The following BTAF1 variants were observed in gnomAD, a reference collection of about 807,000 sequenced individuals.
BTAF1 encodes TATA-binding protein-associated factor 172.
A neutral mutation model predicts 227.1 loss-of-function variants in BTAF1; 38 were observed. The observed-to-expected ratio is 0.17, with a 90% CI of 0.13 to 0.22. The LOEUF (loss-of-function observed/expected upper bound fraction) is 0.22. Among genes scored for constraint, BTAF1 ranks in the 10% least tolerant of loss-of-function variants. The pLI is 1.00. For synonymous variants in BTAF1, 742 were observed against 751.9 expected, an observed-to-expected ratio of 0.99 and a Z score of 0.21; for missense variants, 1,598 against 2,204.0, an observed-to-expected ratio of 0.73 and a Z score of 5.51.
At chr10:92,019,303 T>C (rs1390135034) in intron 34 of BTAF1, among the ~76,000 whole-genome samples, 1 of 152,258 alleles carries the variant, frequency 6.6e-6, no homozygotes, top group Non-Finnish European at 1.5e-5. Flanking sequence ...TGAATTTGCC[T>C]GTTCTAAATA....
intron 25 of BTAF1, among the ~76,000 whole-genome samples, chr10:92,002,572 G>A (rs575207722): frequency 5.9e-5 from 9 of 152,202 alleles, no homozygotes; most frequent in Non-Finnish European, 7.4e-5. Context: ...TTTGTAAAGC[G>A]TTGTGCAGAA....
chr10:92,025,828 A>AAT (rs986220410), intron 35 of BTAF1, among the ~76,000 whole-genome samples: 2 of 151,352 alleles, frequency 1.3e-5, no homozygotes, highest in African/African-American at 4.9e-5. Context: ...AAAAAAAAAA[A>AAT]AAAACAAGCA....
At chr10:91,980,603 TA>T in intron 15 of BTAF1, 45 bp downstream of exon 15, 1 of 1,501,538 alleles carries the variant, frequency 6.7e-7, no homozygotes, top group Non-Finnish European at 9.2e-7. Context: ...GTAACTTTTG[TA>T]GATTTTTAAA....
intron 15 of BTAF1, among the ~76,000 whole-genome samples, chr10:91,980,793 T>C (rs536307235): frequency 1.1e-3 from 160 of 152,294 alleles, no homozygotes; most frequent in Non-Finnish European, 2.0e-3. Context: ...TTAAGCACTT[T>C]CTGATAGCCT....
rs755074613 is a variant in BTAF1, at chr10:91,981,803, A to C, written c.1905+11A>C. On this transcript the variant is annotated intron_variant, in intron 16 of 37. Coordinates refer to ENST00000265990, the MANE Select transcript of BTAF1 (RefSeq NM_003972.3). ...AAAGCTAGAGCCAAGGTAAGTGTAG[A>C]GGGACATAGTGTATTTGTGTGTTCA... 3.1e-6 allele frequency: 5 copies of C among 1,608,886 alleles called. No homozygotes were observed. The South Asian group carries it at 5.5e-5, about 18-fold the overall frequency.
At chr10:92,014,728 T>C (rs150915793) in intron 32 of BTAF1, among the ~76,000 whole-genome samples, 1 of 152,342 alleles carries the variant, frequency 6.6e-6, no homozygotes, top group Middle Eastern at 3.4e-3. Flanking sequence ...GCTATGGTCA[T>C]AGAGCTAATA....
At chr10:92,011,499 C>T (rs1277891510) in intron 30 of BTAF1, 84 bp downstream of exon 30, 27 of 592,340 alleles carry the variant, frequency 4.6e-5, no homozygotes, top group Admixed American at 2.8e-4. Flanking sequence ...TGGTATTTGG[C>T]GGTGAATTAA....
chr10:92,023,071 C>CT (rs1260199407), intron 34 of BTAF1, among the ~76,000 whole-genome samples: 1 of 152,156 alleles, frequency 6.6e-6, no homozygotes, highest in Non-Finnish European at 1.5e-5. Context: ...CATATACTCC[C>CT]TTTGCCTAGC....
intron 19 of BTAF1, among the ~76,000 whole-genome samples, chr10:91,985,674 G>A (rs1258447755): frequency 6.6e-6 from 1 of 152,078 alleles, no homozygotes; most frequent in Non-Finnish European, 1.5e-5. Flanking sequence ...GTGATTGTCT[G>A]ATAGTGTTAT....
intron 34 of BTAF1, among the ~76,000 whole-genome samples, chr10:92,022,780 AC>A (rs1851232992): frequency 6.6e-6 from 1 of 152,176 alleles, no homozygotes; most frequent in Admixed American, 6.5e-5. Flanking sequence ...CTTAGATAGG[AC>A]TTTTTAAAAG....
At chr10:91,990,703 G>T (rs1273349135) in intron 20 of BTAF1, among the ~76,000 whole-genome samples, 6 of 152,154 alleles carry the variant, frequency 3.9e-5, no homozygotes, top group Non-Finnish European at 7.3e-5. Flanking sequence ...TGAGGCAAGA[G>T]AATGGCCTCA....
At chr10:91,953,946 A>C in intron 6 of BTAF1, 73 bp downstream of exon 6, 1 of 1,554,044 alleles carries the variant, frequency 6.4e-7, no homozygotes, top group Non-Finnish European at 8.7e-7. Flanking sequence ...TGCTTGATTT[A>C]TAGAAACATT....
intron 2 of BTAF1, among the ~76,000 whole-genome samples, chr10:91,938,037 A>G (rs1844751867): frequency 6.6e-6 from 1 of 152,138 alleles, no homozygotes; most frequent in Non-Finnish European, 1.5e-5. Flanking sequence ...TTTATTATTC[A>G]TTTGTATGTC....
rs111509461 is a variant in BTAF1 at position 92,023,647 on chromosome 10, G to A, written c.4864-1109G>A. On this transcript the variant is annotated intron_variant, in intron 34 of 37. Coordinates refer to ENST00000265990, the MANE Select transcript of BTAF1 (RefSeq NM_003972.3). ...TGCAGTGAGCCAAGATCACGCCACTGCACTCCAGCCTGGGTGATAGAGGGA... is the reference window on the plus strand; with the variant it reads ...TGCAGTGAGCCAAGATCACGCCACTACACTCCAGCCTGGGTGATAGAGGGA... Among the ~76,000 whole-genome samples the A allele has an allele frequency of 3.3e-5, 5 of 152,262 alleles. 1 individual carries two copies. Among genetic ancestry groups the A allele is most frequent in the African/African-American group, 1.2e-4 (5 of 41,548 alleles).
chr10:91,958,232 A>G (rs918099874), intron 8 of BTAF1, among the ~76,000 whole-genome samples: 1 of 151,998 alleles, frequency 6.6e-6, no homozygotes, highest in East Asian at 2.0e-4. Context: ...AAATATTTTT[A>G]TTAGAGATGG....
At position 91,997,731 on chromosome 10, in the gene BTAF1, A is replaced by G. The variant is rs773252293; in HGVS notation, c.3640A>G (p.Ile1214Val). The stretch of plus-strand genomic sequence containing the variant: ...GGCCACGCAGTGCTTTGCAACGCTA[A>G]TTAGACTCATGCCACTTGAGGTAAG... ...FMATQCFATLIRLMPLEAGIP... is the reference protein window; with the variant it reads ...FMATQCFATLVRLMPLEAGIP... The change falls in exon 25 of 38, where the codon ATT becomes GTT. Residue 1214 changes from isoleucine (I) to valine (V), a missense_variant. This residue lies in a region of BTAF1 where 425 missense variants were observed against 491.2 expected (regional missense o/e 0.87). Transcript: ENST00000265990. The G allele has an allele frequency of 1.2e-6, 2 of 1,613,806 alleles. No homozygotes were observed. Among genetic ancestry groups the G allele is most frequent in the Non-Finnish European group, 1.7e-6 (2 of 1,179,998 alleles).
chr10:91,924,611 A>G (rs922373748), intron 1 of BTAF1, among the ~76,000 whole-genome samples: 4 of 152,236 alleles, frequency 2.6e-5, no homozygotes, highest in Admixed American at 2.6e-4. Context: ...GGCAGTAAAC[A>G]TTCCAACGTC....
chr10:91,977,671 C>G (rs1847789148), intron 14 of BTAF1, among the ~76,000 whole-genome samples: 1 of 152,122 alleles, frequency 6.6e-6, no homozygotes, highest in Non-Finnish European at 1.5e-5. Flanking sequence ...CCCCATTTTG[C>G]ATTTCTACCA....
chr10:91,981,998 T>C, intron 16 of BTAF1, 85 bp from the exon 17 acceptor site: 2 of 1,452,530 alleles, frequency 1.4e-6, no homozygotes, highest in Admixed American at 5.1e-5. Flanking sequence ...TTACTGGGAT[T>C]ATTTTAAAAA....
Sources: allele counts gnomAD v4.1 joint callset (sites outside exome capture counted in the v4.1 genomes callset), GRCh38; gene constraint gnomAD v4.1.1; regional missense constraint gnomAD v4.1.1; transcripts MANE v1.5; gene names NCBI Gene and HGNC (gene_info 2026-07-23, HGNC 2026-07-21).